Variants in OPHN1 observed in about 807,000 individuals in gnomAD.
OPHN1 encodes the protein oligophrenin 1.
A neutral mutation model predicts 60.7 loss-of-function variants in OPHN1; 11 were observed. The ratio of observed to expected loss-of-function variants is 0.18; its 90% CI spans 0.11 to 0.30. The LOEUF (loss-of-function observed/expected upper bound fraction) is 0.30. Ranked by LOEUF, OPHN1 falls within the 10% of genes least tolerant of loss-of-function variation. The pLI is 1.00. For synonymous variants in OPHN1, 226 were observed against 222.6 expected (o/e 1.02, Z -0.14); for missense variants, 449 against 611.0 (o/e 0.73, Z 2.80).
At chrX:68,267,384 C>T (rs995795494) in intron 5 of OPHN1, among the ~76,000 whole-genome samples, 3 of 111,911 alleles carry the variant, frequency 2.7e-5, no homozygotes, top group Admixed American at 9.5e-5. Flanking sequence ...TCACTCAAAA[C>T]CGCTCAACTA....
intron 5 of OPHN1, among the ~76,000 whole-genome samples, chrX:68,264,550 A>C (rs898140308): frequency 4.5e-5 from 5 of 112,050 alleles, no homozygotes; most frequent in African/African-American, 1.6e-4. Context: ...ATCAGGGTAA[A>C]GCCAAGATGG....
At chrX:68,219,578 A>G (rs1235777956) in intron 6 of OPHN1, among the ~76,000 whole-genome samples, 1 of 110,578 alleles carries the variant, frequency 9.0e-6, no homozygotes, top group Non-Finnish European at 1.9e-5. Context: ...ATAACAAACT[A>G]TCTCTCAGAC....
intron 14 of OPHN1, 86 bp downstream of exon 14, chrX:68,193,804 C>T (rs1364976773): frequency 1.2e-6 from 1 of 828,275 alleles, no homozygotes; most frequent in East Asian, 3.2e-5. Context: ...GTCTTCATTC[C>T]TAAAACGCTA....
At chrX:68,325,230 G>A (rs1235873185) in intron 2 of OPHN1, among the ~76,000 whole-genome samples, 1 of 109,530 alleles carries the variant, frequency 9.1e-6, no homozygotes, top group East Asian at 2.9e-4. Flanking sequence ...ATTCAATAGA[G>A]AAGTGCCAAT....
intron 2 of OPHN1, among the ~76,000 whole-genome samples, chrX:68,317,004 G>T (rs1049817137): frequency 8.1e-5 from 9 of 110,622 alleles, no homozygotes; most frequent in Non-Finnish European, 1.7e-4. Context: ...AATCAAACTA[G>T]AAATCAGTAA....
chrX:68,059,751 C>A (rs2076886329), intron 21 of OPHN1, among the ~76,000 whole-genome samples: 1 of 111,513 alleles, frequency 9.0e-6, no homozygotes, highest in South Asian at 3.8e-4. Flanking sequence ...GCAATCTTTC[C>A]TTTCCAGCCA....
Position 68,405,075 on chromosome X carries a change from TCAC to T in OPHN1, c.154+27789_154+27791del, listed in dbSNP as rs755512910. On this transcript the variant is annotated intron_variant, in intron 2 of 24. Coordinates refer to ENST00000355520, the MANE Select transcript of OPHN1 (RefSeq NM_002547.3). ...GGTAAATTTAATGTTATGTGTTTTT[TCAC>T]CACAATTTTAAAAAAAGAATTCGTA... 6.9e-3 allele frequency among the ~76,000 whole-genome samples: 781 copies of T among 112,421 alleles called. 7 individuals carry two copies. The highest frequency in any genetic ancestry group is 0.024 in the African/African-American group (748 of 30,987).
At chrX:68,356,477 A>G (rs1259441336) in intron 2 of OPHN1, among the ~76,000 whole-genome samples, 5 of 109,311 alleles carry the variant, frequency 4.6e-5, no homozygotes, top group Admixed American at 3.9e-4. Context: ...TAGTGGTATG[A>G]TCTTGGCTCA....
intron 15 of OPHN1, among the ~76,000 whole-genome samples, chrX:68,131,189 C>CA (rs2077192732): frequency 2.1e-5 from 2 of 93,076 alleles, no homozygotes; most frequent in African/African-American, 9.1e-5. Context: ...ACAAAGAACA[C>CA]TTTTATTTAT....
chrX:68,197,132 G>A, intron 12 of OPHN1, 54 bp downstream of exon 12: 2 of 854,247 alleles, frequency 2.3e-6, no homozygotes, highest in South Asian at 4.0e-5. Context: ...CCACTAGAGG[G>A]CACTCATACA....
At chrX:68,120,075 GA>G (rs745582151) in intron 15 of OPHN1, among the ~76,000 whole-genome samples, 18 of 110,743 alleles carry the variant, frequency 1.6e-4, no homozygotes, top group Admixed American at 2.9e-4. Context: ...CCAAGAGGGG[GA>G]AAAAAAATTC....
At chrX:68,097,335 GAAGCAAGAGGACATTCA>G (rs1438207496) in intron 18 of OPHN1, among the ~76,000 whole-genome samples, 1 of 111,107 alleles carries the variant, frequency 9.0e-6, no homozygotes, top group African/African-American at 3.3e-5. Flanking sequence ...AGGCAGGAGG[GAAGCAAGAGGACATTCA>G]AAGCAAGAGG....
chrX:68,378,680 T>G (rs2078575684), intron 2 of OPHN1, among the ~76,000 whole-genome samples: 2 of 112,166 alleles, frequency 1.8e-5, no homozygotes, highest in Admixed American at 1.9e-4. Context: ...CACCATTTAT[T>G]AAACAGGGAA....
chrX:68,070,268 A>G (rs1432812006), intron 20 of OPHN1, among the ~76,000 whole-genome samples: 2 of 111,587 alleles, frequency 1.8e-5, no homozygotes, highest in African/African-American at 3.3e-5. Context: ...AAATATGCAT[A>G]TATGCATTCT....
chrX:68,120,727 G>A (rs2077147085), intron 15 of OPHN1, among the ~76,000 whole-genome samples: 1 of 112,173 alleles, frequency 8.9e-6, no homozygotes, highest in African/African-American at 3.2e-5. Context: ...CACATTCTCT[G>A]ACTTCAAAAT....
intron 20 of OPHN1, among the ~76,000 whole-genome samples, chrX:68,067,891 T>C (rs1384173954): frequency 8.9e-6 from 1 of 111,848 alleles, no homozygotes; most frequent in African/African-American, 3.3e-5. Context: ...AAGTGTGATA[T>C]TATAGTAAAT....
intron 18 of OPHN1, 107 bp downstream of exon 18, chrX:68,111,747 A>T: frequency 1.8e-6 from 1 of 571,234 alleles, no homozygotes; most frequent in Admixed American, 2.4e-5. Flanking sequence ...CCAAGGAAGC[A>T]CTTAAGGGCT....
chrX:68,126,343 C>T (rs1249571986), intron 15 of OPHN1, among the ~76,000 whole-genome samples: 2 of 111,141 alleles, frequency 1.8e-5, no homozygotes, highest in African/African-American at 6.5e-5. Flanking sequence ...CCAATTTCAG[C>T]TTGATTGTAT....
intron 19 of OPHN1, among the ~76,000 whole-genome samples, chrX:68,083,560 C>A (rs187787920): frequency 6.0e-4 from 67 of 112,164 alleles, no homozygotes; most frequent in Non-Finnish European, 1.2e-3. Context: ...GGTTTCTTAT[C>A]ATTTGTGTGT....
Sources: allele counts gnomAD v4.1 joint callset (sites outside exome capture counted in the v4.1 genomes callset), GRCh38; gene constraint gnomAD v4.1.1; transcripts MANE v1.5; gene names NCBI Gene and HGNC (gene_info 2026-07-23, HGNC 2026-07-21).